ZFTRAF1: variants seen among roughly 807,000 people sequenced by gnomAD.
ZFTRAF1 encodes zinc finger TRAF-type and ring finger containing 1.
chr8:144,450,850 C>A, the ZFTRAF1 span: 64 of 615,614 alleles, frequency 1.0e-4, no homozygotes, highest in Non-Finnish European at 1.8e-4. Context: ...CTGACCAGGC[C>A]GAGGGCAGGC....
the ZFTRAF1 span, chr8:144,452,035 C>T: frequency 7.4e-6 from 3 of 404,434 alleles, no homozygotes; most frequent in South Asian, 2.1e-5. Context: ...TGGTTAGACC[C>T]TGACTGTCTT....
chr8:144,461,456 G>A, the ZFTRAF1 span, among the ~76,000 whole-genome samples: 4 of 152,174 alleles, frequency 2.6e-5, no homozygotes, highest in Non-Finnish European at 5.9e-5. Flanking sequence ...CCTGGGCCAG[G>A]TACCCTAACA....
chr8:144,459,099 G>A, the ZFTRAF1 span, among the ~76,000 whole-genome samples: 7 of 152,362 alleles, frequency 4.6e-5, no homozygotes, highest in East Asian at 1.4e-3. Context: ...GGCCAAAATG[G>A]AGGGAGAGAA....
chr8:144,459,878 G>A, the ZFTRAF1 span, among the ~76,000 whole-genome samples: 1 of 152,228 alleles, frequency 6.6e-6, no homozygotes, highest in African/African-American at 2.4e-5. Context: ...GGAACCTGCT[G>A]CATTCCTGAC....
the ZFTRAF1 span, chr8:144,452,472 G>C: frequency 2.6e-6 from 4 of 1,548,438 alleles, no homozygotes; most frequent in South Asian, 3.6e-5. Flanking sequence ...CTCACTGCCT[G>C]TCTTGGTCGG....
the ZFTRAF1 span, chr8:144,453,674 T>C: frequency 8.9e-6 from 5 of 563,630 alleles, no homozygotes; most frequent in South Asian, 4.3e-5. Flanking sequence ...TTGCAGAGAT[T>C]AGAGGTCCTA....
At chr8:144,457,007 T>G in the ZFTRAF1 span, 3 of 124,336 alleles carry the variant, frequency 2.4e-5, no homozygotes, top group East Asian at 5.4e-4. Flanking sequence ...TTGTGGGAAA[T>G]TGACATCATG....
At chr8:144,452,847 G>A in the ZFTRAF1 span, among the ~76,000 whole-genome samples, 1 of 152,232 alleles carries the variant, frequency 6.6e-6, no homozygotes, top group Non-Finnish European at 1.5e-5. Context: ...TGGTGGTCCT[G>A]CACAGCCTCA....
the ZFTRAF1 span, among the ~76,000 whole-genome samples, chr8:144,460,773 C>T: frequency 6.6e-5 from 10 of 152,184 alleles, no homozygotes; most frequent in Non-Finnish European, 1.3e-4. Flanking sequence ...ATCCCAGCTA[C>T]TCGGGAGGCT....
the ZFTRAF1 span, chr8:144,462,401 T>C: frequency 7.6e-6 from 3 of 392,650 alleles, no homozygotes; most frequent in Non-Finnish European, 1.3e-5. Context: ...CTCGGCCGCC[T>C]CGGCTGCCCG....
the ZFTRAF1 span, chr8:144,450,334 C>A: frequency 1.4e-6 from 1 of 696,044 alleles, no homozygotes; most frequent in Non-Finnish European, 2.7e-6. Context: ...GGCAGCGGTG[C>A]TGGGATGCCG....
At chr8:144,453,167 G>A in the ZFTRAF1 span, 1 of 1,478,732 alleles carries the variant, frequency 6.8e-7, no homozygotes. Flanking sequence ...ACCAGGGTGG[G>A]CTCCCAGCAG....
At chr8:144,452,705 G>A in the ZFTRAF1 span, 1 of 793,666 alleles carries the variant, frequency 1.3e-6, no homozygotes, top group Admixed American at 2.6e-5. Flanking sequence ...CCACCCCCCA[G>A]GATGAGGTCA....
At chr8:144,458,413 G>A in the ZFTRAF1 span, among the ~76,000 whole-genome samples, 1,044 of 152,322 alleles carry the variant, frequency 6.9e-3, 12 homozygotes, top group African/African-American at 0.024. Flanking sequence ...TTACAAAGAT[G>A]TTTTCTGCCA....
chr8:144,452,588 A>G, the ZFTRAF1 span: 37 of 1,533,532 alleles, frequency 2.4e-5, no homozygotes, highest in Middle Eastern at 3.3e-4. Context: ...AGGCAGGTAC[A>G]TCACTCACAG....
chr8:144,457,754 G>A, the ZFTRAF1 span: 2 of 152,278 alleles, frequency 1.3e-5, no homozygotes, highest in Admixed American at 6.5e-5. Flanking sequence ...GTGGTCCCAA[G>A]GTCTCTATGG....
chr8:144,450,400 G>A, the ZFTRAF1 span: 1 of 716,482 alleles, frequency 1.4e-6, no homozygotes, highest in Admixed American at 2.0e-5. Context: ...TCTGGAACAG[G>A]AAGAGCCGCA....
At chr8:144,458,164 T>C in the ZFTRAF1 span, among the ~76,000 whole-genome samples, 1 of 152,238 alleles carries the variant, frequency 6.6e-6, no homozygotes, top group South Asian at 2.1e-4. Flanking sequence ...CTGTTAAGCA[T>C]GAAGCCAGGA....
the ZFTRAF1 span, chr8:144,462,602 C>G: frequency 7.0e-6 from 1 of 142,038 alleles, no homozygotes; most frequent in Admixed American, 6.9e-5. Context: ...CGGCACGGAG[C>G]CCGCGGGCCC....
Sources: allele counts gnomAD v4.1 joint callset (sites outside exome capture counted in the v4.1 genomes callset), GRCh38; gene constraint gnomAD v4.1.1; transcripts MANE v1.5; gene names NCBI Gene and HGNC (gene_info 2026-07-23, HGNC 2026-07-21).